ZNF277: variants seen among roughly 807,000 people sequenced by gnomAD.
ZNF277 encodes zinc finger protein 277.
In ZNF277, 55 loss-of-function variants were observed where a neutral mutation model predicts 60.7. The observed-to-expected ratio is 0.91, with a 90% CI of 0.73 to 1.13. The LOEUF is 1.13. Ranked by LOEUF, ZNF277 falls within the 50% of genes most tolerant of loss-of-function variation. The pLI is 0.00. For missense variants in ZNF277, 510 were observed against 523.0 expected (o/e 0.98, Z 0.24); for synonymous variants, 178 against 179.3 (o/e 0.99, Z 0.06).
chr7:112,320,618 C>T (rs892195095), intron 5 of ZNF277, among the ~76,000 whole-genome samples: 1 of 151,964 alleles, frequency 6.6e-6, no homozygotes, highest in Non-Finnish European at 1.5e-5. Flanking sequence ...TACTTTTTCT[C>T]CTCTCCTCCA....
intron 2 of ZNF277, among the ~76,000 whole-genome samples, chr7:112,293,560 A>C (rs893352031): frequency 6.6e-6 from 1 of 150,788 alleles, no homozygotes; most frequent in African/African-American, 2.5e-5. Flanking sequence ...AGCCTGGGCA[A>C]TAGAGCCAGA....
At chr7:112,316,833 C>T (rs1194083514) in intron 4 of ZNF277, among the ~76,000 whole-genome samples, 1 of 152,028 alleles carries the variant, frequency 6.6e-6, no homozygotes, top group Non-Finnish European at 1.5e-5. Flanking sequence ...AATCATTCTA[C>T]TATAAAGACA....
At chr7:112,341,990 G>A (rs1439024065) in intron 11 of ZNF277, among the ~76,000 whole-genome samples, 1 of 137,678 alleles carries the variant, frequency 7.3e-6, no homozygotes, top group Non-Finnish European at 1.5e-5. Flanking sequence ...TTTATATTCC[G>A]TAAGTGTTTC....
At position 112,323,948 on chromosome 7, in the gene ZNF277, T is replaced by C. The variant is rs540781329; in HGVS notation, c.558-3769T>C. Among the ~76,000 whole-genome samples, 6 of 152,272 alleles carry C rather than the reference T, an allele frequency of 3.9e-5. No individual in the cohort carries two copies. The East Asian group carries it at 1.2e-3, about 29-fold the overall frequency. On this transcript the variant is annotated intron_variant, in intron 5 of 11. Transcript: ENST00000361822. ...TGTAGGGAAATATTTGTTCCTAAAGTATAGGGAAAGAATATTTGAAAGGAA... is the reference window on the plus strand; with the variant it reads ...TGTAGGGAAATATTTGTTCCTAAAGCATAGGGAAAGAATATTTGAAAGGAA...
intron 1 of ZNF277, among the ~76,000 whole-genome samples, chr7:112,247,841 G>T (rs886185221): frequency 6.6e-6 from 1 of 151,864 alleles, no homozygotes; most frequent in Non-Finnish European, 1.5e-5. Context: ...GGTTGCGGGC[G>T]CCTGTAATCT....
At chr7:112,245,986 G>C (rs561269756) in intron 1 of ZNF277, among the ~76,000 whole-genome samples, 2 of 152,218 alleles carry the variant, frequency 1.3e-5, no homozygotes, top group South Asian at 2.1e-4. Context: ...GTTCCACAAC[G>C]TAAGGAAGGG....
chr7:112,231,113 C>G (rs1323309694), intron 1 of ZNF277, among the ~76,000 whole-genome samples: 1 of 151,742 alleles, frequency 6.6e-6, no homozygotes, highest in African/African-American at 2.4e-5. Context: ...ACTCAGGAGG[C>G]TGAGGCAGGA....
intron 2 of ZNF277, among the ~76,000 whole-genome samples, chr7:112,293,424 G>A (rs1283167509): frequency 6.6e-6 from 1 of 151,622 alleles, no homozygotes; most frequent in Non-Finnish European, 1.5e-5. Flanking sequence ...AAAAAAAATA[G>A]GAAAATTAGT....
chr7:112,329,325 G>T (rs2117128906), intron 6 of ZNF277, among the ~76,000 whole-genome samples: 1 of 152,208 alleles, frequency 6.6e-6, no homozygotes. Context: ...TGTATCAACT[G>T]TCAGGCTTAG....
chr7:112,244,113 A>G (rs1229133446), intron 1 of ZNF277, among the ~76,000 whole-genome samples: 1 of 152,152 alleles, frequency 6.6e-6, no homozygotes, highest in Non-Finnish European at 1.5e-5. Context: ...ACTCATGGAC[A>G]CAGAGAGTGG....
intron 1 of ZNF277, among the ~76,000 whole-genome samples, chr7:112,260,038 G>C (rs1168449093): frequency 6.6e-6 from 1 of 152,144 alleles, no homozygotes; most frequent in South Asian, 2.1e-4. Flanking sequence ...AGGTCAACGC[G>C]GGTGAATTGC....
chr7:112,289,133 T>C (rs1792144426), intron 2 of ZNF277, among the ~76,000 whole-genome samples: 1 of 152,228 alleles, frequency 6.6e-6, no homozygotes. Flanking sequence ...TTTGTATTTA[T>C]GCTAATCTAA....
At chr7:112,223,549 C>T (rs79489070) in intron 1 of ZNF277, among the ~76,000 whole-genome samples, 1,939 of 152,232 alleles carry the variant, frequency 0.013, 39 homozygotes, top group African/African-American at 0.043. Context: ...TTTCCAAGTC[C>T]GGAGCCAAGA....
At chr7:112,342,105 A>G (rs1161228416) in intron 11 of ZNF277, among the ~76,000 whole-genome samples, 1 of 152,140 alleles carries the variant, frequency 6.6e-6, no homozygotes, top group Admixed American at 6.5e-5. Flanking sequence ...TGAAAAATTA[A>G]CTATATTTGA....
intron 6 of ZNF277, chr7:112,328,458 A>G (rs1793148601): frequency 6.6e-6 from 1 of 152,164 alleles, no homozygotes; most frequent in African/African-American, 2.4e-5. Flanking sequence ...AAACGTATCC[A>G]CTTTTCTTTC....
chr7:112,299,149 A>T (rs1341752164), intron 4 of ZNF277, among the ~76,000 whole-genome samples: 1 of 152,206 alleles, frequency 6.6e-6, no homozygotes, highest in African/African-American at 2.4e-5. Context: ...CAGCCAGTTC[A>T]TCACAATTTT....
intron 2 of ZNF277, among the ~76,000 whole-genome samples, chr7:112,290,802 A>C (rs1004869126): frequency 6.6e-6 from 1 of 152,172 alleles, no homozygotes; most frequent in African/African-American, 2.4e-5. Flanking sequence ...TTATGATCAA[A>C]GTTAAGTTGG....
chr7:112,303,830 C>T (rs1792533984), intron 4 of ZNF277, among the ~76,000 whole-genome samples: 1 of 151,926 alleles, frequency 6.6e-6, no homozygotes, highest in African/African-American at 2.4e-5. Flanking sequence ...GTTTTGAAGA[C>T]ACTCTTAAAA....
intron 10 of ZNF277, 96 bp from the exon 11 acceptor site, chr7:112,340,776 G>T: frequency 9.8e-7 from 1 of 1,023,694 alleles, no homozygotes; most frequent in Non-Finnish European, 1.5e-6. Context: ...TCTTCAGGTT[G>T]ATTAATAAAA....
Sources: allele counts gnomAD v4.1 joint callset (sites outside exome capture counted in the v4.1 genomes callset), GRCh38; gene constraint gnomAD v4.1.1; transcripts MANE v1.5; gene names NCBI Gene and HGNC (gene_info 2026-07-23, HGNC 2026-07-21).